PTPRA: variants seen among roughly 807,000 people sequenced by gnomAD.
The protein encoded by PTPRA is protein tyrosine phosphatase receptor type A.
Under a neutral mutation model 104.8 loss-of-function variants are expected in PTPRA, and 25 were observed. That is an observed-to-expected ratio of 0.24 (90% CI 0.17 to 0.33). The LOEUF is 0.33. Among genes scored for constraint, PTPRA ranks in the 10% least tolerant of loss-of-function variants. The probability of loss-of-function intolerance (pLI) is 1.00; values close to 1 mark genes in which losing one functional copy is unlikely to be tolerated. For synonymous variants in PTPRA, 323 were observed against 368.9 expected (o/e 0.88, Z 1.43); for missense variants, 765 against 1,015.3 (o/e 0.75, Z 3.35).
intron 2 of PTPRA, among the ~76,000 whole-genome samples, chr20:2,928,362 C>G (rs187214447): frequency 6.6e-6 from 1 of 152,136 alleles, no homozygotes; most frequent in African/African-American, 2.4e-5. Context: ...CCCTCCTTGG[C>G]CTCCCAAAGT....
chr20:2,910,630 A>T, intron 1 of PTPRA, among the ~76,000 whole-genome samples: 2 of 102,204 alleles, frequency 2.0e-5, no homozygotes, highest in Admixed American at 1.4e-4. Flanking sequence ...TTTTTTTAAG[A>T]CGGAGTCTCG....
chr20:2,909,915 G>GACATATATATT (rs2059581135), intron 1 of PTPRA, among the ~76,000 whole-genome samples: 1 of 120,476 alleles, frequency 8.3e-6, no homozygotes, highest in African/African-American at 3.6e-5. Context: ...ACATATATAT[G>GACATATATATT]TTATATATTG....
At chr20:2,879,840 A>C (rs1223371253) in intron 1 of PTPRA, among the ~76,000 whole-genome samples, 3 of 152,238 alleles carry the variant, frequency 2.0e-5, no homozygotes, top group African/African-American at 7.2e-5. Context: ...AATATAGCCT[A>C]GATACGTAGC....
chr20:2,953,127 A>G (rs1007928502), intron 3 of PTPRA, among the ~76,000 whole-genome samples: 1 of 152,202 alleles, frequency 6.6e-6, no homozygotes, highest in Non-Finnish European at 1.5e-5. Context: ...AGGAATTGCC[A>G]TACTGATTTC....
At position 2,965,042 on chromosome 20, in the gene PTPRA, C is replaced by A. The variant is rs1193008035; in HGVS notation, c.255C>A (p.Asp85Glu). 1.9e-6 allele frequency: 3 copies of A among 1,614,032 alleles called. No homozygotes were observed. Among genetic ancestry groups the A allele is most frequent in the Non-Finnish European group, 1.7e-6 (2 of 1,180,002 alleles). ...CCACTGTCAATTCTTCAGACTCTGA[C>A]AATGGGACCACAAGAACAGCAAGCA... ...YLTTVNSSDSDNGTTRTASTN... is the reference protein window; with the variant it reads ...YLTTVNSSDSENGTTRTASTN... The change falls in exon 5 of 24, where the codon GAC becomes GAA. Residue 85 changes from aspartate (D) to glutamate (E), a missense_variant. Physicochemically the swap from Asp to Glu is conservative, Grantham distance 45 (BLOSUM62 2). Around this residue, in one of 4 missense-constraint regions of PTPRA, gnomAD observed 256 missense variants for 248.9 expected, o/e 1.03. Transcript: ENST00000399903.
At chr20:3,018,197 A>C (rs1005122267) in intron 13 of PTPRA, among the ~76,000 whole-genome samples, 2 of 152,048 alleles carry the variant, frequency 1.3e-5, no homozygotes, top group African/African-American at 4.8e-5. Context: ...AAAGCCACAG[A>C]GGGGTTTTTT....
chr20:2,904,141 C>G (rs934274440), intron 1 of PTPRA, among the ~76,000 whole-genome samples: 4 of 152,030 alleles, frequency 2.6e-5, no homozygotes, highest in Non-Finnish European at 4.4e-5. Flanking sequence ...GTCTTGAACT[C>G]CTGGGCTCAA....
intron 3 of PTPRA, among the ~76,000 whole-genome samples, chr20:2,958,946 A>G (rs753643198): frequency 3.9e-5 from 6 of 151,920 alleles, no homozygotes; most frequent in Non-Finnish European, 7.4e-5. Flanking sequence ...CCTCAACCCT[A>G]CTTCCTGAAA....
At chr20:2,892,300 A>C (rs1012917980) in intron 1 of PTPRA, among the ~76,000 whole-genome samples, 4 of 151,860 alleles carry the variant, frequency 2.6e-5, no homozygotes, top group Non-Finnish European at 2.9e-5. Flanking sequence ...AAAAAAAAAA[A>C]AAAAAAAAAA....
At chr20:2,957,392 A>G (rs1204486043) in intron 3 of PTPRA, among the ~76,000 whole-genome samples, 20 of 152,200 alleles carry the variant, frequency 1.3e-4, no homozygotes, top group Non-Finnish European at 2.6e-4. Flanking sequence ...TTTGTGAGTT[A>G]TGTTTCATAT....
chr20:2,866,682 G>C, the PTPRA span: 2 of 1,490,140 alleles, frequency 1.3e-6, no homozygotes, highest in East Asian at 4.5e-5. Context: ...GCTGAGGAGC[G>C]GGGGCATGGT....
intron 3 of PTPRA, among the ~76,000 whole-genome samples, chr20:2,948,466 C>G (rs1223204909): frequency 6.6e-6 from 1 of 152,194 alleles, no homozygotes; most frequent in Non-Finnish European, 1.5e-5. Context: ...AACCTCGTTG[C>G]TTATAGTTTC....
chr20:2,998,933 T>TTATAC (rs1484059692), intron 9 of PTPRA, among the ~76,000 whole-genome samples: 1 of 147,950 alleles, frequency 6.8e-6, no homozygotes, highest in African/African-American at 2.5e-5. Flanking sequence ...TTATAATTTA[T>TTATAC]TATATATGAC....
intron 1 of PTPRA, among the ~76,000 whole-genome samples, chr20:2,908,482 T>C (rs990485838): frequency 2.6e-5 from 4 of 152,188 alleles, no homozygotes; most frequent in African/African-American, 9.6e-5. Context: ...TAGATTTTGG[T>C]ATCCACGGTT....
At position 2,965,126 on chromosome 20, in the gene PTPRA, C is replaced by A; in HGVS notation, c.339C>A (p.Phe113Leu). 6.2e-7 allele frequency: 1 copy of A among 1,614,178 alleles called. No individual in the cohort carries two copies. The highest frequency in any genetic ancestry group is 8.5e-7 in the Non-Finnish European group (1 of 1,180,020). ...GAACGTGGCTTCCAGATAACCAGTT[C>A]ACGGATGCCAGAACAGAACCCTGGG... The part of the protein sequence containing the change: ...PNGTWLPDNQ[F>L]TDARTEPWEG... Residue 113 changes from phenylalanine (F) to leucine (L), a missense_variant, in exon 5 of 24, where the codon TTC (phenylalanine) becomes TTA (leucine). Phe to Leu is a conservative substitution (Grantham distance 22). Coordinates refer to ENST00000399903, the MANE Select transcript of PTPRA (RefSeq NM_001385305.1).
At chr20:2,867,457 GCT>G in the PTPRA span, among the ~76,000 whole-genome samples, 1 of 152,090 alleles carries the variant, frequency 6.6e-6, no homozygotes, top group Non-Finnish European at 1.5e-5. Context: ...GGGGCCCTCT[GCT>G]CTCTCTATCT....
upstream of PTPRA, among the ~76,000 whole-genome samples, chr20:2,868,773 T>C (rs534419263): frequency 6.6e-6 from 1 of 151,962 alleles, no homozygotes; most frequent in Non-Finnish European, 1.5e-5. Context: ...CCAGTTTTCC[T>C]CTCTGGAAAG....
At chr20:2,957,906 G>A (rs145904699) in intron 3 of PTPRA, among the ~76,000 whole-genome samples, 1 of 152,164 alleles carries the variant, frequency 6.6e-6, no homozygotes. Flanking sequence ...CACTGAAGCG[G>A]AAATAGTGAT....
intron 2 of PTPRA, among the ~76,000 whole-genome samples, chr20:2,937,928 T>C (rs1467320788): frequency 6.6e-6 from 1 of 152,228 alleles, no homozygotes; most frequent in South Asian, 2.1e-4. Context: ...TCTGTTGTCT[T>C]TCAAATTGTT....
Sources: gnomAD v4.1 joint callset for allele counts (sites outside exome capture counted in the v4.1 genomes callset) on GRCh38, gnomAD v4.1.1 for gene constraint, gnomAD v4.1.1 regional missense constraint, MANE v1.5 for transcripts, NCBI Gene and HGNC (gene_info 2026-07-23, HGNC 2026-07-21) for gene names.